ST3GAL3: variants seen among roughly 807,000 people sequenced by gnomAD.
ST3GAL3 encodes the protein ST3 beta-galactoside alpha-2,3-sialyltransferase 3, also known as CMP-N-acetylneuraminate-beta-1,4-galactoside alpha-2,3-sialyltransferase.
A neutral mutation model predicts 50.1 loss-of-function variants in ST3GAL3; 21 were observed. That is an observed-to-expected ratio of 0.42 (90% CI 0.30 to 0.60). ST3GAL3 has a LOEUF of 0.60. ST3GAL3 is among the 20% of genes least tolerant of loss of function. The pLI, the probability that ST3GAL3 is intolerant of heterozygous loss-of-function variation, is 0.19. For synonymous variants in ST3GAL3, 183 were observed against 190.0 expected (o/e 0.96, Z 0.30); for missense variants, 353 against 489.4 (o/e 0.72, Z 2.63).
At chr1:43,906,813 A>G (rs1382664191) in intron 9 of ST3GAL3, among the ~76,000 whole-genome samples, 1 of 152,192 alleles carries the variant, frequency 6.6e-6, no homozygotes, top group Admixed American at 6.5e-5. Flanking sequence ...AGTTCTCATA[A>G]TGACCCTATA....
intron 5 of ST3GAL3, among the ~76,000 whole-genome samples, chr1:43,852,402 C>T (rs992721585): frequency 2.0e-5 from 3 of 152,194 alleles, no homozygotes; most frequent in African/African-American, 7.2e-5. Flanking sequence ...TTACTCTTTC[C>T]CCTACCCTGT....
intron 9 of ST3GAL3, among the ~76,000 whole-genome samples, chr1:43,900,284 A>T (rs909916242): frequency 6.6e-6 from 1 of 152,230 alleles, no homozygotes; most frequent in East Asian, 1.9e-4. Context: ...TCCACTTTGT[A>T]CTTTTACCAC....
intron 3 of ST3GAL3, among the ~76,000 whole-genome samples, chr1:43,798,059 A>G (rs954875820): frequency 6.6e-6 from 1 of 152,158 alleles, no homozygotes; most frequent in South Asian, 2.1e-4. Context: ...TGCTGAAACT[A>G]GTTCCTCTCC....
chr1:43,786,307 C>A (rs1352685202), intron 2 of ST3GAL3, among the ~76,000 whole-genome samples: 1 of 152,190 alleles, frequency 6.6e-6, no homozygotes, highest in East Asian at 1.9e-4. Context: ...CTTTCTGCGG[C>A]CTGTACACCC....
chr1:43,739,885 GA>G (rs1370451560), intron 2 of ST3GAL3, among the ~76,000 whole-genome samples: 1 of 152,134 alleles, frequency 6.6e-6, no homozygotes, highest in African/African-American at 2.4e-5. Flanking sequence ...CTTCAAGTAT[GA>G]AAATAGTCTA....
intron 11 of ST3GAL3, among the ~76,000 whole-genome samples, chr1:43,925,296 CAAA>C (rs57654790): frequency 1.0e-4 from 9 of 90,236 alleles, no homozygotes; most frequent in African/African-American, 1.9e-4. Context: ...GACTGTGTCT[CAAA>C]AAAAAAAAAA....
chr1:43,718,862 A>AT, intron 1 of ST3GAL3: 1 of 151,864 alleles, frequency 6.6e-6, no homozygotes, highest in African/African-American at 2.4e-5. Context: ...TAATTTTTGT[A>AT]TTTTTAGTAG....
chr1:43,854,005 T>A (rs1176825025), intron 5 of ST3GAL3, among the ~76,000 whole-genome samples: 3 of 152,174 alleles, frequency 2.0e-5, no homozygotes, highest in Admixed American at 6.5e-5. Flanking sequence ...CCCCTCTCTC[T>A]CTGCCCTTCC....
chr1:43,867,168 A>G (rs2071537218), intron 5 of ST3GAL3, among the ~76,000 whole-genome samples: 1 of 152,202 alleles, frequency 6.6e-6, no homozygotes, highest in Admixed American at 6.5e-5. Context: ...AGACTCATTC[A>G]CTATGATGAG....
At chr1:43,883,684 G>A (rs539231118) in intron 5 of ST3GAL3, among the ~76,000 whole-genome samples, 13 of 152,326 alleles carry the variant, frequency 8.5e-5, no homozygotes, top group Admixed American at 5.9e-4. Flanking sequence ...AGAGGGCAGA[G>A]TTACAAGGGT....
intron 4 of ST3GAL3, among the ~76,000 whole-genome samples, chr1:43,822,439 C>T (rs1053806441): frequency 2.6e-5 from 4 of 152,130 alleles, no homozygotes; most frequent in South Asian, 2.1e-4. Flanking sequence ...AGCATGGGGA[C>T]TTTAATGCTC....
At chr1:43,874,790 G>A (rs2073748548) in intron 5 of ST3GAL3, among the ~76,000 whole-genome samples, 1 of 152,190 alleles carries the variant, frequency 6.6e-6, no homozygotes, top group Non-Finnish European at 1.5e-5. Flanking sequence ...ACATATTTCA[G>A]TACCATGGTA....
intron 5 of ST3GAL3, among the ~76,000 whole-genome samples, chr1:43,864,209 C>T (rs1054481063): frequency 6.6e-6 from 1 of 152,154 alleles, no homozygotes; most frequent in Admixed American, 6.5e-5. Context: ...ACCTGGGAGA[C>T]GGAGGTTGCA....
chr1:43,735,662 A>G (rs1055299890), intron 1 of ST3GAL3, among the ~76,000 whole-genome samples: 2 of 152,208 alleles, frequency 1.3e-5, no homozygotes, highest in African/African-American at 2.4e-5. Flanking sequence ...ACTCTAAGCA[A>G]GGATCCAGCT....
At chr1:43,755,044 T>C (rs1687552084) in intron 2 of ST3GAL3, among the ~76,000 whole-genome samples, 1 of 152,220 alleles carries the variant, frequency 6.6e-6, no homozygotes, top group South Asian at 2.1e-4. Context: ...TTAAATCTAA[T>C]TTAAGGATTT....
intron 3 of ST3GAL3, among the ~76,000 whole-genome samples, chr1:43,813,003 A>G (rs1488068386): frequency 6.6e-6 from 1 of 152,260 alleles, no homozygotes; most frequent in African/African-American, 2.4e-5. Flanking sequence ...AAAAGAAAAG[A>G]CATTGCAACA....
In ST3GAL3 at chr1:43,737,542, A is replaced by G. The variant is rs1006551681; in HGVS notation, c.118+1162A>G. 3.3e-5 allele frequency: 5 copies of G among 152,244 alleles called. No individual in the cohort carries two copies. In the East Asian group the frequency reaches 9.6e-4, roughly 29 times the overall value. 9.4% of individuals were successfully genotyped at this position (152,244 alleles called of 1,614,324 possible). On this transcript the variant is annotated intron_variant, in intron 2 of 11. Transcript: ENST00000347631. The surrounding 1 kb of genome is among the most constrained non-coding windows in gnomAD (Gnocchi z 4.0). The stretch of plus-strand genomic sequence containing the variant: ...TAAGTGCCTTTTAAATGCTTAGCTT[A>G]TAATTATCACTAATTACTTGTGTTT...
chr1:43,736,409 G>A (rs1458030003), intron 2 of ST3GAL3, 29 bp downstream of exon 2: 1 of 1,614,134 alleles, frequency 6.2e-7, no homozygotes, highest in Admixed American at 1.7e-5. Context: ...GCTCACCCCA[G>A]GAGAAGCCTG....
At position 43,899,059 on chromosome 1, in the gene ST3GAL3, T is replaced by C. The variant is rs1570952334; in HGVS notation, c.462-109T>C. The C allele has an allele frequency of 9.3e-6, 14 of 1,507,406 alleles. No homozygotes were observed. In the African/African-American group the frequency reaches 1.5e-4, roughly 16 times the overall value. 93.4% of individuals were successfully genotyped at this position (1,507,406 alleles called of 1,614,324 possible). A position where few individuals can be genotyped will look rare whatever the true frequency, so the allele number is the denominator to read the frequency against. ...CAGAAGCCCATTGGTCTTCTTCCTC[T>C]ATCCCAGCCTGGTCCTGGACAAGGG... is the stretch of plus-strand genomic sequence containing the variant. On this transcript the variant is annotated intron_variant, in intron 7 of 11. Transcript: ENST00000347631. The surrounding 1 kb of genome is among the most constrained non-coding windows in gnomAD (Gnocchi z 5.4).
Sources: allele counts gnomAD v4.1 joint callset (sites outside exome capture counted in the v4.1 genomes callset), GRCh38; gene constraint gnomAD v4.1.1; non-coding constraint Gnocchi (gnomAD v3.1); transcripts MANE v1.5; gene names NCBI Gene and HGNC (gene_info 2026-07-23, HGNC 2026-07-21).